Variants in GRM7 observed in about 807,000 individuals in gnomAD.
GRM7 encodes the protein glutamate metabotropic receptor 7, also known as metabotropic glutamate receptor 7.
In GRM7, 35 loss-of-function variants were observed where a neutral mutation model predicts 84.5. The observed-to-expected ratio is 0.41, with a 90% CI of 0.32 to 0.55. The LOEUF (loss-of-function observed/expected upper bound fraction) is 0.55, where lower values mean the gene tolerates loss of function less well. Ranked by LOEUF, GRM7 falls within the 20% of genes least tolerant of loss-of-function variation. The pLI, the probability that GRM7 is intolerant of heterozygous loss-of-function variation, is 0.19. For synonymous variants in GRM7, 487 were observed against 455.1 expected (o/e 1.07, Z -0.89); for missense variants, 1,003 against 1,194.6 (o/e 0.84, Z 2.36).
At chr3:7,108,206 C>T (rs1329867039) in intron 1 of GRM7, among the ~76,000 whole-genome samples, 1 of 152,038 alleles carries the variant, frequency 6.6e-6, no homozygotes, top group Non-Finnish European at 1.5e-5. Context: ...GAGCCTTCTA[C>T]ATTATATATT....
intron 1 of GRM7, among the ~76,000 whole-genome samples, chr3:7,064,226 G>C (rs1057407807): frequency 6.7e-6 from 1 of 149,678 alleles, no homozygotes; most frequent in Non-Finnish European, 1.5e-5. Flanking sequence ...GTCTTTTATC[G>C]CTTGCCCCTT....
intron 2 of GRM7, among the ~76,000 whole-genome samples, chr3:7,216,792 T>A (rs1696628657): frequency 6.6e-6 from 1 of 152,226 alleles, no homozygotes; most frequent in African/African-American, 2.4e-5. Flanking sequence ...TCCCTGTTGA[T>A]GTTGCTTTCA....
chr3:7,724,457 C>G (rs944199447), intron 9 of GRM7, among the ~76,000 whole-genome samples: 13 of 152,134 alleles, frequency 8.5e-5, no homozygotes, highest in Admixed American at 7.2e-4. Flanking sequence ...TTTAGATACT[C>G]TTCATTATTC....
chr3:7,294,685 C>A (rs1356444175), intron 2 of GRM7, among the ~76,000 whole-genome samples: 1 of 152,152 alleles, frequency 6.6e-6, no homozygotes, highest in Non-Finnish European at 1.5e-5. Flanking sequence ...TGACCACCTG[C>A]AGCAGTTTCA....
chr3:7,279,711 C>T (rs1218288758), intron 2 of GRM7, among the ~76,000 whole-genome samples: 2 of 152,172 alleles, frequency 1.3e-5, no homozygotes, highest in African/African-American at 4.8e-5. Flanking sequence ...CCATAAGACA[C>T]AGCTGAACTC....
At chr3:6,904,035 T>C (rs1357886189) in intron 1 of GRM7, among the ~76,000 whole-genome samples, 2 of 152,326 alleles carry the variant, frequency 1.3e-5, no homozygotes, top group Non-Finnish European at 1.5e-5. Context: ...GATTTTTTAA[T>C]GTTGTATATA....
chr3:7,669,773 T>C lies in GRM7; in HGVS notation c.2452-10276T>C, dbSNP rs114923040. 6.7e-3 allele frequency among the ~76,000 whole-genome samples: 1,019 copies of C among 152,304 alleles called. 8 individuals are homozygous for C. Among genetic ancestry groups the C allele is most frequent in the African/African-American group, 0.023 (969 of 41,564 alleles). On this transcript the variant is annotated intron_variant, in intron 8 of 9. Transcript: ENST00000357716. ...GGAAGGCAAGATCAAAGTCATAAAC[T>C]GCTCAGCTCCTACGCCTGGCCAGGC...
chr3:7,103,806 C>CT (rs754548402), intron 1 of GRM7, among the ~76,000 whole-genome samples: 2 of 108,090 alleles, frequency 1.9e-5, no homozygotes, highest in African/African-American at 1.0e-4. Context: ...TTCTTTCTTT[C>CT]TTTCTTTCTT....
intron 2 of GRM7, among the ~76,000 whole-genome samples, chr3:7,230,421 T>C (rs1228794582): frequency 6.6e-6 from 1 of 152,208 alleles, no homozygotes; most frequent in East Asian, 1.9e-4. Context: ...AGCAGATTGC[T>C]ATTGAGTAGT....
intron 8 of GRM7, among the ~76,000 whole-genome samples, chr3:7,629,489 T>A (rs1697771722): frequency 6.6e-6 from 1 of 152,092 alleles, no homozygotes; most frequent in Admixed American, 6.5e-5. Flanking sequence ...CTCTGGTATC[T>A]CCTCCTTTTC....
chr3:7,049,958 G>C (rs1440119959), intron 1 of GRM7, among the ~76,000 whole-genome samples: 1 of 151,810 alleles, frequency 6.6e-6, no homozygotes, highest in East Asian at 1.9e-4. Context: ...ATATTAAAGA[G>C]TTTTGTTTCT....
At chr3:7,276,788 T>TCCCTCCCTCCCTCCC (rs1164181994) in intron 2 of GRM7, among the ~76,000 whole-genome samples, 1 of 3,584 alleles carries the variant, frequency 2.8e-4, no homozygotes, top group Admixed American at 3.6e-3. Flanking sequence ...CCTTCCTTCC[T>TCCCTCCCTCCCTCCC]TCCTTCCTTC....
chr3:7,226,076 A>C (rs62234892), intron 2 of GRM7, among the ~76,000 whole-genome samples: 1 of 152,184 alleles, frequency 6.6e-6, no homozygotes. Context: ...AATATTTACT[A>C]TATGCCTACT....
intron 7 of GRM7, among the ~76,000 whole-genome samples, chr3:7,471,266 C>T (rs1211748194): frequency 1.3e-5 from 2 of 151,752 alleles, no homozygotes. Context: ...TATTATCTCA[C>T]AGTTCTTTAG....
chr3:6,961,590 A>G (rs1406257009), intron 1 of GRM7, among the ~76,000 whole-genome samples: 1 of 152,086 alleles, frequency 6.6e-6, no homozygotes, highest in Non-Finnish European at 1.5e-5. Context: ...CCACTTAACC[A>G]TTCATCCTAT....
chr3:7,609,761 G>A (rs2125078391), intron 8 of GRM7, among the ~76,000 whole-genome samples: 1 of 152,266 alleles, frequency 6.6e-6, no homozygotes, highest in East Asian at 1.9e-4. Context: ...ATCATGGAGT[G>A]ACATCAGAAG....
intron 5 of GRM7, among the ~76,000 whole-genome samples, chr3:7,430,665 C>T (rs1314595463): frequency 5.3e-5 from 8 of 152,158 alleles, no homozygotes; most frequent in Non-Finnish European, 8.8e-5. Flanking sequence ...ATGTTCACAT[C>T]GGCTTATTCA....
At chr3:6,912,752 GA>G (rs1361294675) in intron 1 of GRM7, among the ~76,000 whole-genome samples, 1 of 151,886 alleles carries the variant, frequency 6.6e-6, no homozygotes, top group African/African-American at 2.4e-5. Context: ...ATTCTACCTA[GA>G]AAAAATGCTA....
intron 1 of GRM7, among the ~76,000 whole-genome samples, chr3:7,080,825 A>T (rs1326365391): frequency 6.6e-6 from 1 of 151,848 alleles, no homozygotes; most frequent in Non-Finnish European, 1.5e-5. Context: ...AGGACTTTTT[A>T]AAAAAATCAT....
Sources: allele counts gnomAD v4.1 joint callset (sites outside exome capture counted in the v4.1 genomes callset), GRCh38; gene constraint gnomAD v4.1.1; transcripts MANE v1.5; gene names NCBI Gene and HGNC (gene_info 2026-07-23, HGNC 2026-07-21).